The following SSBP3 variants were observed in gnomAD, a reference collection of about 807,000 sequenced individuals.
The protein encoded by SSBP3 is single stranded DNA binding protein 3, also known as single-stranded DNA-binding protein 3.
A neutral mutation model predicts 69.6 loss-of-function variants in SSBP3; 5 were observed. The observed-to-expected ratio is 0.07, with a 90% CI of 0.04 to 0.15. The LOEUF is 0.15. Among genes scored for constraint, SSBP3 ranks in the 10% least tolerant of loss-of-function variants. SSBP3 has a pLI of 1.00. For synonymous variants in SSBP3, 196 were observed against 193.4 expected, an observed-to-expected ratio of 1.01 and a Z score of -0.11; for missense variants, 312 against 534.0, an observed-to-expected ratio of 0.58 and a Z score of 4.10.
chr1:54,290,817 C>T (rs1273996276), intron 4 of SSBP3, among the ~76,000 whole-genome samples: 3 of 152,200 alleles, frequency 2.0e-5, no homozygotes, highest in Non-Finnish European at 4.4e-5. Flanking sequence ...TAGAGGATCC[C>T]CCCTAGATGA....
intron 14 of SSBP3, among the ~76,000 whole-genome samples, chr1:54,233,217 C>T (rs1285556544): frequency 3.3e-5 from 5 of 150,490 alleles, no homozygotes; most frequent in Non-Finnish European, 5.9e-5. Context: ...ATGTGGGGAG[C>T]GCCTCTGCCC....
chr1:54,243,337 G>A, intron 9 of SSBP3, 38 bp from the exon 10 acceptor site: 1 of 1,613,232 alleles, frequency 6.2e-7, no homozygotes, highest in Non-Finnish European at 8.5e-7. Context: ...TGAGAAGAAG[G>A]GAACCGGAGA....
At chr1:54,355,673 C>T (rs1646851957) in intron 4 of SSBP3, among the ~76,000 whole-genome samples, 1 of 152,160 alleles carries the variant, frequency 6.6e-6, no homozygotes, top group African/African-American at 2.4e-5. Context: ...CAGAGAGCTC[C>T]CCTGCCTCCC....
At chr1:54,233,020 AGT>A (rs915432554) in intron 14 of SSBP3, among the ~76,000 whole-genome samples, 15 of 151,510 alleles carry the variant, frequency 9.9e-5, no homozygotes, top group African/African-American at 3.7e-4. Flanking sequence ...GGAAGTGAGG[AGT>A]GTCTCTGCCT....
chr1:54,350,950 G>C (rs1351559151), intron 4 of SSBP3, among the ~76,000 whole-genome samples: 3 of 151,852 alleles, frequency 2.0e-5, no homozygotes, highest in African/African-American at 7.3e-5. Context: ...TCAGCCTCCT[G>C]AGTAGGTGAG....
intron 4 of SSBP3, among the ~76,000 whole-genome samples, chr1:54,294,156 AAAAAAAGAAAGAAAG>A (rs1645658771): frequency 3.8e-5 from 4 of 104,340 alleles, no homozygotes; most frequent in African/African-American, 6.3e-5. Context: ...AAAAAAAAAA[AAAAAAAGAAAGAAAG>A]AAAGAAAGAA....
chr1:54,232,975 G>A (rs534380396), intron 14 of SSBP3, among the ~76,000 whole-genome samples: 5 of 152,144 alleles, frequency 3.3e-5, no homozygotes, highest in Admixed American at 2.0e-4. Context: ...CCAAAGTGCC[G>A]AGATTGCAGC....
intron 14 of SSBP3, among the ~76,000 whole-genome samples, chr1:54,234,867 A>G (rs536001258): frequency 6.6e-6 from 1 of 151,950 alleles, no homozygotes; most frequent in South Asian, 2.1e-4. Flanking sequence ...AAGCTCAAAC[A>G]ATCCTCCCGC....
At position 54,251,598 on chromosome 1, in the gene SSBP3, C is replaced by T. The variant is rs200316647; in HGVS notation, c.651+18G>A. On this transcript the variant is annotated intron_variant, in intron 9 of 17. Coordinates refer to ENST00000610401, the Ensembl canonical transcript of SSBP3. ...ACAGATGGCCAGGGAGACGGACGGA[C>T]AGACAGGCGGTGGTTACCTGTGGGC... 9.9e-5 allele frequency: 154 copies of T among 1,551,062 alleles called. 1 individual carries two copies. The East Asian group carries it at 2.3e-3, about 24-fold the overall frequency.
In SSBP3 at chr1:54,258,142, G is replaced by A. The variant is rs772139865; in HGVS notation, c.374C>T (p.Pro125Leu). The A allele has an allele frequency of 6.3e-6, 10 of 1,591,254 alleles. No homozygotes were observed. Among genetic ancestry groups the A allele is most frequent in the Middle Eastern group, 3.3e-4 (2 of 5,984 alleles). ...TGCGTGCGGCGAGGGCTGTGACCCC[G>A]GAGGACCCTGTGAGGCCAGACAGTA... Residue 125 changes from proline to leucine, a missense_variant, in exon 6 of 18, where the codon CCG (proline) becomes CTG (leucine). Pro to Leu is a moderately conservative substitution (Grantham distance 98). Transcript: ENST00000610401. This position sits in a 1 kb window ranked among gnomAD's most constrained non-coding sequence, Gnocchi z 4.5.
At chr1:54,282,300 A>G (rs1645410006) in intron 4 of SSBP3, among the ~76,000 whole-genome samples, 1 of 152,186 alleles carries the variant, frequency 6.6e-6, no homozygotes, top group South Asian at 2.1e-4. Context: ...TGTCATATAG[A>G]GCAAAAGATC....
At chr1:54,374,531 T>C (rs1647185571) in intron 4 of SSBP3, among the ~76,000 whole-genome samples, 1 of 152,134 alleles carries the variant, frequency 6.6e-6, no homozygotes, top group Non-Finnish European at 1.5e-5. Context: ...AGGATGAAAT[T>C]TGTTCACAAA....
At chr1:54,228,576 C>A in intron 15 of SSBP3, 99 bp from the exon 16 acceptor site, 2 of 1,554,482 alleles carry the variant, frequency 1.3e-6, no homozygotes, top group East Asian at 2.3e-5. Context: ...CCCTTCCATC[C>A]CAGTCCCACA....
chr1:54,243,969 G>A (rs576731218), intron 9 of SSBP3, among the ~76,000 whole-genome samples: 1 of 152,224 alleles, frequency 6.6e-6, no homozygotes, highest in Admixed American at 6.5e-5. Flanking sequence ...TTGCTCTGTT[G>A]CCTAGGCTAG....
At chr1:54,369,697 G>A (rs776839846) in intron 4 of SSBP3, among the ~76,000 whole-genome samples, 2 of 152,084 alleles carry the variant, frequency 1.3e-5, no homozygotes, top group Middle Eastern at 3.2e-3. Context: ...CCTGGTGTAC[G>A]AAGACGCTCA....
In SSBP3 at chr1:54,378,170, A is replaced by G. The variant is rs529603166; in HGVS notation, c.276+23691T>C. Among the ~76,000 whole-genome samples, 20 of 152,282 alleles carry G rather than the reference A, an allele frequency of 1.3e-4. No individual in the cohort carries two copies. In the South Asian group the frequency reaches 3.3e-3, roughly 25 times the overall value. ...GTGCCAGAGTTCCCATTTTTATAACAAATGAACTGAATCCAGCCCAACTTT... is the reference window on the plus strand; with the variant it reads ...GTGCCAGAGTTCCCATTTTTATAACGAATGAACTGAATCCAGCCCAACTTT... On this transcript the variant is annotated intron_variant, in intron 4 of 17. Transcript: ENST00000610401.
At chr1:54,271,808 C>T (rs1165541852) in intron 5 of SSBP3, among the ~76,000 whole-genome samples, 2 of 151,972 alleles carry the variant, frequency 1.3e-5, no homozygotes, top group Non-Finnish European at 2.9e-5. Flanking sequence ...CTTGCTTTGT[C>T]CTCTAGGCTG....
At chr1:54,242,282 G>A in intron 10 of SSBP3, 70 bp from the exon 11 acceptor site, 1 of 1,578,628 alleles carries the variant, frequency 6.3e-7, no homozygotes, top group Non-Finnish European at 8.7e-7. Context: ...GAGGCAGCAG[G>A]GGCAGAAGGA....
intron 5 of SSBP3, among the ~76,000 whole-genome samples, chr1:54,263,828 G>C (rs1645056494): frequency 6.6e-6 from 1 of 152,172 alleles, no homozygotes; most frequent in African/African-American, 2.4e-5. Context: ...TGGGCAAGGG[G>C]CAAGACCCAG....
Sources: gnomAD v4.1 joint callset for allele counts (sites outside exome capture counted in the v4.1 genomes callset) on GRCh38, gnomAD v4.1.1 for gene constraint, Gnocchi (gnomAD v3.1) non-coding constraint, MANE v1.5 for transcripts, NCBI Gene and HGNC (gene_info 2026-07-23, HGNC 2026-07-21) for gene names.